Variants in MAGI2 observed in about 807,000 individuals in gnomAD.
The protein encoded by MAGI2 is membrane-associated guanylate kinase, WW and PDZ domain-containing protein 2.
MAGI2 carries 35 observed loss-of-function variants against 133.3 expected under a neutral mutation model. That is an observed-to-expected ratio of 0.26 (90% CI 0.20 to 0.35). MAGI2 has a LOEUF of 0.35. Among genes scored for constraint, MAGI2 ranks in the 10% least tolerant of loss-of-function variants. The pLI is 1.00. For synonymous variants in MAGI2, 729 were observed against 710.6 expected, an observed-to-expected ratio of 1.03 and a Z score of -0.41; for missense variants, 1,636 against 1,863.4, an observed-to-expected ratio of 0.88 and a Z score of 2.25.
At chr7:78,483,451 A>G (rs1161997442) in intron 6 of MAGI2, among the ~76,000 whole-genome samples, 1 of 151,780 alleles carries the variant, frequency 6.6e-6, no homozygotes, top group Non-Finnish European at 1.5e-5. Context: ...AAAATACATA[A>G]ATCATTGGTG....
At chr7:78,497,751 T>TCTGTCTGTCTGTCTGTCTGTCTGTCTGC (rs1794242955) in intron 5 of MAGI2, among the ~76,000 whole-genome samples, 1 of 132,700 alleles carries the variant, frequency 7.5e-6, no homozygotes, top group East Asian at 2.0e-4. Flanking sequence ...TATCTATCTA[T>TCTGTCTGTCTGTCTGTCTGTCTGTCTGC]CTATCTATCT....
intron 1 of MAGI2, among the ~76,000 whole-genome samples, chr7:79,440,201 T>C (rs572513346): frequency 4.1e-4 from 63 of 151,958 alleles, no homozygotes; most frequent in Middle Eastern, 3.4e-3. Flanking sequence ...ATGCTCTTAT[T>C]GGAGAGTCTT....
At chr7:78,686,581 C>T (rs1304375308) in intron 2 of MAGI2, among the ~76,000 whole-genome samples, 1 of 139,562 alleles carries the variant, frequency 7.2e-6, no homozygotes, top group Non-Finnish European at 1.6e-5. Context: ...AAAAAAGGAA[C>T]AGATGAAGAA....
chr7:79,058,359 A>G (rs1813361938), intron 1 of MAGI2, among the ~76,000 whole-genome samples: 1 of 152,138 alleles, frequency 6.6e-6, no homozygotes, highest in Non-Finnish European at 1.5e-5. Context: ...AGAAATGAGG[A>G]ACATAGGATT....
At chr7:78,695,702 A>G (rs1303274911) in intron 2 of MAGI2, among the ~76,000 whole-genome samples, 1 of 152,202 alleles carries the variant, frequency 6.6e-6, no homozygotes, top group African/African-American at 2.4e-5. Context: ...GTCATCTAAG[A>G]AAAGGAGGAT....
At chr7:78,157,216 G>A (rs1015660828) in intron 16 of MAGI2, among the ~76,000 whole-genome samples, 3 of 152,088 alleles carry the variant, frequency 2.0e-5, no homozygotes, top group African/African-American at 4.8e-5. Context: ...CACAGAGCAC[G>A]GGGCAACTTG....
chr7:78,576,355 G>T (rs888034119), intron 3 of MAGI2, among the ~76,000 whole-genome samples: 3 of 152,184 alleles, frequency 2.0e-5, no homozygotes, highest in Admixed American at 2.0e-4. Flanking sequence ...TTTTAAAAGA[G>T]ATTTTATGTT....
chr7:78,956,863 T>C (rs1422323962), intron 2 of MAGI2, among the ~76,000 whole-genome samples: 1 of 152,164 alleles, frequency 6.6e-6, no homozygotes, highest in African/African-American at 2.4e-5. Context: ...TACTATCAAA[T>C]GTCAAAGGCA....
At chr7:78,028,270 C>T (rs1202515644) in intron 21 of MAGI2, among the ~76,000 whole-genome samples, 1 of 152,184 alleles carries the variant, frequency 6.6e-6, no homozygotes, top group Non-Finnish European at 1.5e-5. Context: ...ACTTATATTA[C>T]CAGAGATGTA....
chr7:78,199,389 T>C (rs1829028100), intron 11 of MAGI2, among the ~76,000 whole-genome samples: 2 of 152,254 alleles, frequency 1.3e-5, no homozygotes, highest in South Asian at 4.1e-4. Flanking sequence ...GTTAATGTTT[T>C]CAAGCTCAAC....
At chr7:79,134,849 G>T (rs571529690) in intron 1 of MAGI2, among the ~76,000 whole-genome samples, 3 of 152,180 alleles carry the variant, frequency 2.0e-5, no homozygotes, top group Non-Finnish European at 4.4e-5. Flanking sequence ...TCAATAGAAG[G>T]CTTTGACATT....
In MAGI2 at chr7:78,501,318, T is replaced by G. The variant is rs7810995; in HGVS notation, c.965+259A>C. On this transcript the variant is annotated intron_variant, in intron 5 of 21. Transcript: ENST00000354212. ...TTCCTAATTCAATAATAACATCACA[T>G]GGAGATTTGTCTTTTTTAGTCATAA... 0.021 allele frequency among the ~76,000 whole-genome samples: 3,197 copies of G among 152,164 alleles called. 102 individuals are homozygous for G. Among genetic ancestry groups the G allele is most frequent in the African/African-American group, 0.073 (3,040 of 41,482 alleles).
chr7:78,697,731 G>T (rs1175326096), intron 2 of MAGI2, among the ~76,000 whole-genome samples: 1 of 152,062 alleles, frequency 6.6e-6, no homozygotes, highest in Non-Finnish European at 1.5e-5. Context: ...TTCCTGTAAT[G>T]AATAATTTTG....
intron 2 of MAGI2, among the ~76,000 whole-genome samples, chr7:78,965,267 A>G (rs1320170213): frequency 6.6e-6 from 1 of 151,836 alleles, no homozygotes; most frequent in African/African-American, 2.4e-5. Flanking sequence ...ATAAAATTAA[A>G]TGACATAGGG....
At chr7:78,967,965 G>C (rs975485398) in intron 2 of MAGI2, among the ~76,000 whole-genome samples, 7 of 151,948 alleles carry the variant, frequency 4.6e-5, no homozygotes, top group Non-Finnish European at 8.8e-5. Flanking sequence ...CAAGTAGCTG[G>C]GATTACAGGC....
Position 78,865,073 on chromosome 7 carries a change from A to C in MAGI2, c.418+142017T>G, listed in dbSNP as rs115252126. 2.1e-3 allele frequency among the ~76,000 whole-genome samples: 324 copies of C among 152,310 alleles called. 3 individuals are homozygous for C. Among genetic ancestry groups the C allele is most frequent in the African/African-American group, 7.5e-3 (311 of 41,572 alleles). On this transcript the variant is annotated intron_variant, in intron 2 of 21. Coordinates refer to ENST00000354212, the MANE Select transcript of MAGI2 (RefSeq NM_012301.4). ...GCTGTCAGGAGAGTCAGATGTTTCT[A>C]TTACATAACCTGCTTCCGTATAAAT...
At chr7:78,115,114 A>G (rs1191350409) in intron 20 of MAGI2, among the ~76,000 whole-genome samples, 2 of 152,212 alleles carry the variant, frequency 1.3e-5, no homozygotes, top group South Asian at 4.1e-4. Flanking sequence ...GACTCCTGGA[A>G]GGTAAACAAG....
At chr7:78,889,924 A>T (rs1024188861) in intron 2 of MAGI2, among the ~76,000 whole-genome samples, 1 of 152,224 alleles carries the variant, frequency 6.6e-6, no homozygotes, top group Non-Finnish European at 1.5e-5. Flanking sequence ...ATTAAAAGAC[A>T]CAGACTGGCA....
chr7:78,201,291 G>T, intron 10 of MAGI2, 98 bp from the exon 11 acceptor site: 1 of 574,008 alleles, frequency 1.7e-6, no homozygotes. Context: ...TTTTAAATTA[G>T]TTAACAGCGA....
Sources: allele counts gnomAD v4.1 joint callset (sites outside exome capture counted in the v4.1 genomes callset), GRCh38; gene constraint gnomAD v4.1.1; transcripts MANE v1.5; gene names NCBI Gene and HGNC (gene_info 2026-07-23, HGNC 2026-07-21).